The following FSIP1 variants were observed in gnomAD, a reference collection of about 807,000 sequenced individuals.
FSIP1 encodes the protein fibrous sheath-interacting protein 1.
In FSIP1, 65 loss-of-function variants were observed where a neutral mutation model predicts 60.9. That is an observed-to-expected ratio of 1.07 (90% CI 0.87 to 1.31). The LOEUF is 1.31. Among genes scored for constraint, FSIP1 ranks in the 40% most tolerant of loss-of-function variants. The pLI is 0.00. For synonymous variants in FSIP1, 209 were observed against 221.2 expected, an observed-to-expected ratio of 0.94 and a Z score of 0.49; for missense variants, 675 against 665.5, an observed-to-expected ratio of 1.01 and a Z score of -0.16.
chr15:39,738,767 C>G (rs34047703), intron 7 of FSIP1, among the ~76,000 whole-genome samples: 38,010 of 152,054 alleles, frequency 0.25, 5,900 homozygotes, highest in Non-Finnish European at 0.36. Context: ...AAGACAGAGA[C>G]AGAACAAGAT....
intron 10 of FSIP1, among the ~76,000 whole-genome samples, chr15:39,676,923 GA>G (rs1472575710): frequency 6.6e-6 from 1 of 152,146 alleles, no homozygotes; most frequent in African/African-American, 2.4e-5. Flanking sequence ...CTTTGATAAA[GA>G]ACAAAATAGT....
At chr15:39,778,570 A>T (rs1491625) in intron 1 of FSIP1, among the ~76,000 whole-genome samples, 19,792 of 152,264 alleles carry the variant, frequency 0.13, 2,037 homozygotes, top group African/African-American at 0.28. Context: ...AGAAATTGCA[A>T]CTGCCACAAA....
At chr15:39,701,034 C>G (rs1895036034) in intron 10 of FSIP1, among the ~76,000 whole-genome samples, 2 of 152,092 alleles carry the variant, frequency 1.3e-5, no homozygotes, top group African/African-American at 4.8e-5. Context: ...TGCCTGTAGT[C>G]CCAGCTATTT....
At chr15:39,688,915 G>A (rs1178492267) in intron 10 of FSIP1, among the ~76,000 whole-genome samples, 1 of 152,162 alleles carries the variant, frequency 6.6e-6, no homozygotes, top group Non-Finnish European at 1.5e-5. Flanking sequence ...TAAAATTGGG[G>A]AAGTGTATTT....
intron 10 of FSIP1, among the ~76,000 whole-genome samples, chr15:39,667,081 T>C (rs1893525219): frequency 6.6e-6 from 1 of 152,228 alleles, no homozygotes; most frequent in Admixed American, 6.5e-5. Context: ...GAAAAACCAT[T>C]GATCAGGAGA....
intron 10 of FSIP1, among the ~76,000 whole-genome samples, chr15:39,626,754 C>T (rs971037872): frequency 3.9e-5 from 6 of 152,064 alleles, no homozygotes; most frequent in Admixed American, 1.3e-4. Context: ...CCCAGCCATT[C>T]GGAACTGGGA....
chr15:39,688,337 C>A (rs1894466263), intron 10 of FSIP1, among the ~76,000 whole-genome samples: 1 of 152,162 alleles, frequency 6.6e-6, no homozygotes, highest in African/African-American at 2.4e-5. Flanking sequence ...ATAGTTTAGT[C>A]CAGCCTACCT....
At chr15:39,650,846 A>G (rs915216064) in intron 10 of FSIP1, among the ~76,000 whole-genome samples, 1 of 152,262 alleles carries the variant, frequency 6.6e-6, no homozygotes, top group Non-Finnish European at 1.5e-5. Flanking sequence ...TAATATAATA[A>G]TAGCTTGTTT....
intron 5 of FSIP1, among the ~76,000 whole-genome samples, chr15:39,755,436 A>G (rs1897271743): frequency 6.6e-6 from 1 of 152,134 alleles, no homozygotes; most frequent in African/African-American, 2.4e-5. Flanking sequence ...AGGAAGACCA[A>G]CCAAGACAGT....
At chr15:39,647,731 T>G (rs747494207) in intron 10 of FSIP1, among the ~76,000 whole-genome samples, 2 of 151,662 alleles carry the variant, frequency 1.3e-5, no homozygotes, top group Non-Finnish European at 2.9e-5. Context: ...GTACCATGAA[T>G]AGGAGAGGGA....
intron 10 of FSIP1, among the ~76,000 whole-genome samples, chr15:39,662,787 C>T (rs1013998065): frequency 6.6e-6 from 1 of 150,906 alleles, no homozygotes; most frequent in Non-Finnish European, 1.5e-5. Context: ...AATTTGGTAA[C>T]AGAATGCAAG....
At chr15:39,770,285 AATAG>A in intron 3 of FSIP1, 138 bp downstream of exon 3, 1 of 511,914 alleles carries the variant, frequency 2.0e-6, no homozygotes, top group Non-Finnish European at 3.2e-6. Context: ...CTTGCTCACA[AATAG>A]TCTATGTCTT....
intron 10 of FSIP1, among the ~76,000 whole-genome samples, chr15:39,702,420 T>C (rs960765013): frequency 1.0e-4 from 1 of 9,578 alleles, no homozygotes; most frequent in Non-Finnish European, 4.0e-4. Context: ...TCAGCCATGC[T>C]TTTAAAACTA....
chr15:39,717,094 G>C (rs576233812), intron 9 of FSIP1, among the ~76,000 whole-genome samples: 1 of 152,072 alleles, frequency 6.6e-6, no homozygotes, highest in Non-Finnish European at 1.5e-5. Context: ...TTACAGGTGT[G>C]AGCCACCACG....
chr15:39,749,606 A>G (rs1897105910), intron 5 of FSIP1, among the ~76,000 whole-genome samples: 1 of 152,154 alleles, frequency 6.6e-6, no homozygotes, highest in African/African-American at 2.4e-5. Flanking sequence ...AAAGCATTTG[A>G]CAAAGTTCAA....
At chr15:39,717,332 G>A (rs1019931160) in intron 9 of FSIP1, among the ~76,000 whole-genome samples, 5 of 152,158 alleles carry the variant, frequency 3.3e-5, no homozygotes, top group Admixed American at 1.3e-4. Context: ...TTCTCCTTGA[G>A]CTCCATCTTC....
At chr15:39,780,248 G>A (rs1898207410) in intron 1 of FSIP1, among the ~76,000 whole-genome samples, 1 of 152,190 alleles carries the variant, frequency 6.6e-6, no homozygotes. Flanking sequence ...TTTTGGCCAG[G>A]CGCGGTGGCT....
At chr15:39,693,456 G>A (rs1566887992) in intron 10 of FSIP1, among the ~76,000 whole-genome samples, 1 of 152,344 alleles carries the variant, frequency 6.6e-6, no homozygotes, top group Non-Finnish European at 1.5e-5. Flanking sequence ...GTGTTTGACT[G>A]CTACAATAAG....
At chr15:39,725,700 C>A (rs1896162936) in intron 9 of FSIP1, among the ~76,000 whole-genome samples, 1 of 152,200 alleles carries the variant, frequency 6.6e-6, no homozygotes, top group African/African-American at 2.4e-5. Flanking sequence ...CAGTCTACCA[C>A]CCAAACCAAA....
Sources: allele counts gnomAD v4.1 joint callset (sites outside exome capture counted in the v4.1 genomes callset), GRCh38; gene constraint gnomAD v4.1.1; transcripts MANE v1.5; gene names NCBI Gene and HGNC (gene_info 2026-07-23, HGNC 2026-07-21).